The following MFHAS1 variants were observed in gnomAD, a reference collection of about 807,000 sequenced individuals.
MFHAS1 encodes the protein multifunctional ROCO family signaling regulator 1.
Under a neutral mutation model 70.4 loss-of-function variants are expected in MFHAS1, and 50 were observed. The ratio of observed to expected loss-of-function variants is 0.71; its 90% CI spans 0.57 to 0.90. The LOEUF (loss-of-function observed/expected upper bound fraction) is 0.90. Among genes scored for constraint, MFHAS1 ranks in the 40% least tolerant of loss-of-function variants. The pLI, the probability that MFHAS1 is intolerant of heterozygous loss-of-function variation, is 0.00. For missense variants in MFHAS1, 1,795 were observed against 1,347.6 expected, an observed-to-expected ratio of 1.33 and a Z score of -5.20; for synonymous variants, 952 against 620.0, an observed-to-expected ratio of 1.54 and a Z score of -7.96.
chr8:8,857,904 T>C (rs1260563070), intron 1 of MFHAS1, among the ~76,000 whole-genome samples: 1 of 152,256 alleles, frequency 6.6e-6, no homozygotes, highest in Non-Finnish European at 1.5e-5. Flanking sequence ...GACTGCCCAC[T>C]TGTTGATACA....
Position 8,866,636 on chromosome 8 carries a change from C to A in MFHAS1, c.2998+23425G>T, listed in dbSNP as rs190807923. Among the ~76,000 whole-genome samples the A allele has an allele frequency of 5.3e-5, 8 of 152,258 alleles. No individual in the cohort carries two copies. The South Asian group carries it at 1.7e-3, about 32-fold the overall frequency. ...GTCAGCCAGTAAGGATCACTCTTAT[C>A]CCTAGTAAAAAGGATCCGTGATACA... On this transcript the variant is annotated intron_variant, in intron 1 of 2. Coordinates refer to ENST00000276282, the MANE Select transcript of MFHAS1 (RefSeq NM_004225.3).
intron 1 of MFHAS1, among the ~76,000 whole-genome samples, chr8:8,853,043 T>C (rs1808304291): frequency 6.6e-6 from 1 of 152,118 alleles, no homozygotes; most frequent in Non-Finnish European, 1.5e-5. Flanking sequence ...CTGATTCTGT[T>C]CTCAGCAGCA....
chr8:8,891,041 G>T lies in MFHAS1; in HGVS notation c.2018C>A (p.Pro673Gln), dbSNP rs967923875. 28 of 1,613,552 alleles carry T rather than the reference G, an allele frequency of 1.7e-5. No homozygotes were observed. Among genetic ancestry groups the T allele is most frequent in the Non-Finnish European group, 2.3e-5 (27 of 1,179,900 alleles). The change falls in exon 1 of 3, where the codon CCA (proline) becomes CAA (glutamine). Residue 673 changes from proline to glutamine, a missense_variant. By Grantham distance (76) the Pro-to-Gln change is moderately conservative (BLOSUM62 -1). Transcript: ENST00000276282. This position sits in a 1 kb window ranked among gnomAD's most constrained non-coding sequence, Gnocchi z 5.4. ...WQVLEELHFQ[P>Q]PQAQRLWLSW... ...TAGCCACAGTCGCTGGGCCTGAGGT[G>T]GCTGGAAATGCAGTTCCTCCAGCAC...
At chr8:8,866,190 A>G (rs1808850559) in intron 1 of MFHAS1, among the ~76,000 whole-genome samples, 1 of 152,126 alleles carries the variant, frequency 6.6e-6, no homozygotes, top group Non-Finnish European at 1.5e-5. Context: ...GTTCAGTAAA[A>G]TCAGTGTCAT....
intron 1 of MFHAS1, among the ~76,000 whole-genome samples, chr8:8,869,478 T>G (rs34507441): frequency 0.035 from 5,329 of 152,214 alleles, 269 homozygotes; most frequent in African/African-American, 0.11. Context: ...TAAAGTCTCT[T>G]ATTTCTATGA....
intron 1 of MFHAS1, among the ~76,000 whole-genome samples, chr8:8,883,685 G>A (rs1407144742): frequency 8.5e-6 from 1 of 118,106 alleles, no homozygotes; most frequent in Non-Finnish European, 1.6e-5. Context: ...TCCAGCCTGG[G>A]CAACAGAGCG....
At chr8:8,842,624 C>A (rs1807875219) in intron 1 of MFHAS1, among the ~76,000 whole-genome samples, 1 of 152,212 alleles carries the variant, frequency 6.6e-6, no homozygotes, top group South Asian at 2.1e-4. Flanking sequence ...TCTGCACCAG[C>A]AGCACCGGCA....
intron 2 of MFHAS1, among the ~76,000 whole-genome samples, chr8:8,787,862 A>G (rs906932961): frequency 3.9e-5 from 6 of 152,244 alleles, no homozygotes; most frequent in African/African-American, 1.4e-4. Context: ...ACCTAGACGG[A>G]AAATCCCACT....
intron 1 of MFHAS1, among the ~76,000 whole-genome samples, chr8:8,853,209 A>G (rs1775390595): frequency 6.6e-6 from 1 of 150,632 alleles, no homozygotes; most frequent in Non-Finnish European, 1.5e-5. Flanking sequence ...ACACTCACAT[A>G]CCCCCCAAAA....
At position 8,890,218 on chromosome 8, in the gene MFHAS1, T is replaced by C. The variant is rs141998949; in HGVS notation, c.2841A>G (p.Ala947=). The C allele has an allele frequency of 1.8e-4, 291 of 1,614,050 alleles. No individual in the cohort carries two copies. The highest frequency in any genetic ancestry group is 2.3e-4 in the Non-Finnish European group (277 of 1,180,044). The change falls in exon 1 of 3, where the codon GCA becomes GCG. Residue 947 remains alanine (A), a synonymous_variant. Coordinates refer to ENST00000276282, the MANE Select transcript of MFHAS1 (RefSeq NM_004225.3). ...ATGCGGTCCATATATTTGGTAATGA[T>C]GCATGGCTAGCAATGGACAGGGTGT... ...QPDTLSIASH[A]SLPNIWTAWQ...
At position 8,784,364 on chromosome 8, in the gene MFHAS1, G is replaced by GTTC. The variant is rs1398806202; in HGVS notation, c.*1655_*1657dup. 6 of 152,076 alleles carry GTTC rather than the reference G, an allele frequency of 3.9e-5. No homozygotes were observed. The highest frequency in any genetic ancestry group is 1.4e-4 in the African/African-American group (6 of 41,404). The allele number at this position is 152,076 out of a possible 1,614,324, so 9.4% of individuals were successfully genotyped here. Reference sequence around the variant, plus strand: ...TTCACCAGATTAATCTTGTGACTGTGTTCTAAAAGAAAATGAAATCTCAAA... The same window carrying GTTC: ...TTCACCAGATTAATCTTGTGACTGTGTTCTTCTAAAAGAAAATGAAATCTCAAA... On this transcript the variant is annotated 3_prime_UTR_variant, in exon 3 of 3. Transcript: ENST00000276282.
intron 1 of MFHAS1, among the ~76,000 whole-genome samples, chr8:8,846,781 C>T (rs1808053527): frequency 6.6e-6 from 1 of 152,014 alleles, no homozygotes; most frequent in Non-Finnish European, 1.5e-5. Flanking sequence ...ATTAGCCCTC[C>T]TAGACAGGTT....
At position 8,791,810 on chromosome 8, in the gene MFHAS1, A is replaced by C. The variant is rs919590992; in HGVS notation, c.3125+5555T>G. On this transcript the variant is annotated intron_variant, in intron 2 of 2. Coordinates refer to ENST00000276282, the MANE Select transcript of MFHAS1 (RefSeq NM_004225.3). ...ATTAGGCTGCCATGAAGAAGTTCTA[A>C]AGGAGGAGCTCTCCAAGCAGCTCCA... 2.6e-5 allele frequency among the ~76,000 whole-genome samples: 4 copies of C among 152,304 alleles called. No homozygotes were observed. The South Asian group carries it at 8.3e-4, about 32-fold the overall frequency.
chr8:8,840,952 G>C (rs1051135504), intron 1 of MFHAS1, among the ~76,000 whole-genome samples: 1 of 152,074 alleles, frequency 6.6e-6, no homozygotes, highest in Non-Finnish European at 1.5e-5. Flanking sequence ...TATTGGATTT[G>C]TTTTAAACAA....
chr8:8,802,380 C>T (rs1806110582), intron 1 of MFHAS1, among the ~76,000 whole-genome samples: 1 of 152,192 alleles, frequency 6.6e-6, no homozygotes. Context: ...GTATCTGGCA[C>T]CTAGTAAGTA....
At chr8:8,814,686 G>A (rs1445784085) in intron 1 of MFHAS1, among the ~76,000 whole-genome samples, 1 of 151,982 alleles carries the variant, frequency 6.6e-6, no homozygotes, top group Non-Finnish European at 1.5e-5. Context: ...GAAAACTTAA[G>A]AAAATAAATA....
intron 1 of MFHAS1, among the ~76,000 whole-genome samples, chr8:8,821,289 G>C (rs1806946300): frequency 6.6e-6 from 1 of 152,218 alleles, no homozygotes; most frequent in Admixed American, 6.5e-5. Context: ...TAACAAGGAG[G>C]TGGGAAGTGG....
intron 1 of MFHAS1, among the ~76,000 whole-genome samples, chr8:8,799,342 T>C (rs1301538641): frequency 6.6e-6 from 1 of 152,224 alleles, no homozygotes; most frequent in Non-Finnish European, 1.5e-5. Context: ...TTATGCTGCA[T>C]TCACATGTAT....
intron 1 of MFHAS1, among the ~76,000 whole-genome samples, chr8:8,853,692 G>A (rs993589899): frequency 1.3e-5 from 2 of 152,116 alleles, no homozygotes; most frequent in African/African-American, 2.4e-5. Context: ...TCAGCCTCCT[G>A]AGTAGCTGAG....
Sources: gnomAD v4.1 joint callset for allele counts (sites outside exome capture counted in the v4.1 genomes callset) on GRCh38, gnomAD v4.1.1 for gene constraint, Gnocchi (gnomAD v3.1) non-coding constraint, MANE v1.5 for transcripts, NCBI Gene and HGNC (gene_info 2026-07-23, HGNC 2026-07-21) for gene names.